CCDC102B: variants seen among roughly 807,000 people sequenced by gnomAD.
CCDC102B encodes coiled-coil domain-containing protein 102B.
In CCDC102B, 75 loss-of-function variants were observed where a neutral mutation model predicts 57.4. The observed-to-expected ratio is 1.31, with a 90% CI of 1.08 to 1.58. The LOEUF is 1.58. CCDC102B is among the 40% of genes most tolerant of loss of function. The pLI is 0.00. For missense variants in CCDC102B, 636 were observed against 582.6 expected (o/e 1.09, Z -0.94); for synonymous variants, 206 against 201.9 (o/e 1.02, Z -0.17).
In CCDC102B at chr18:69,001,977, T is replaced by C. The variant is rs374787191; in HGVS notation, c.1264-8957T>C. Among the ~76,000 whole-genome samples, 33 of 152,326 alleles carry C rather than the reference T, an allele frequency of 2.2e-4. No homozygotes were observed. The South Asian group carries it at 6.8e-3, about 32-fold the overall frequency. Reference sequence around the variant, plus strand: ...AGGCTCCATTCTCAGGCCCAAGACCTAATTATTAGAGTAATTTATTTAGTA... The same window carrying C: ...AGGCTCCATTCTCAGGCCCAAGACCCAATTATTAGAGTAATTTATTTAGTA... On this transcript the variant is annotated intron_variant, in intron 6 of 7. Coordinates refer to ENST00000360242, the MANE Select transcript of CCDC102B (RefSeq NM_024781.3).
At chr18:68,716,007 C>T (rs2145172575) in intron 1 of CCDC102B, among the ~76,000 whole-genome samples, 1 of 152,286 alleles carries the variant, frequency 6.6e-6, no homozygotes, top group East Asian at 1.9e-4. Context: ...GATTAAATTG[C>T]ACTCTAATTG....
chr18:68,735,261 G>A (rs886974436), intron 2 of CCDC102B, among the ~76,000 whole-genome samples: 5 of 151,542 alleles, frequency 3.3e-5, no homozygotes, highest in African/African-American at 1.2e-4. Context: ...GTTTCACCAT[G>A]TTGGCCAGGA....
intron 6 of CCDC102B, among the ~76,000 whole-genome samples, chr18:68,956,600 A>T (rs1246222962): frequency 2.4e-5 from 2 of 81,798 alleles, no homozygotes; most frequent in Admixed American, 4.0e-4. Flanking sequence ...TATATATATT[A>T]TATATATATA....
intron 7 of CCDC102B, among the ~76,000 whole-genome samples, chr18:69,011,893 C>T (rs1203316675): frequency 6.6e-6 from 1 of 151,968 alleles, no homozygotes; most frequent in Non-Finnish European, 1.5e-5. Flanking sequence ...ATTATTTTTC[C>T]ATGGAGTAAT....
At chr18:68,953,355 C>CTTTTTTTT (rs5825890) in intron 6 of CCDC102B, among the ~76,000 whole-genome samples, 1 of 125,536 alleles carries the variant, frequency 8.0e-6, no homozygotes, top group Admixed American at 8.2e-5. Flanking sequence ...CAATACTTGT[C>CTTTTTTTT]TTTTTTTTTT....
chr18:68,875,923 T>C (rs1215212558), intron 5 of CCDC102B, among the ~76,000 whole-genome samples: 2 of 152,066 alleles, frequency 1.3e-5, no homozygotes, highest in Non-Finnish European at 2.9e-5. Context: ...CTATAAGTCC[T>C]AAAAGGGGTG....
chr18:68,998,427 A>G (rs1479994741), intron 6 of CCDC102B, among the ~76,000 whole-genome samples: 2 of 40,318 alleles, frequency 5.0e-5, no homozygotes, highest in Admixed American at 6.7e-4. Context: ...GTATATATAT[A>G]ATATATTATA....
At chr18:68,991,053 C>T (rs1230902233) in intron 6 of CCDC102B, among the ~76,000 whole-genome samples, 1 of 149,418 alleles carries the variant, frequency 6.7e-6, no homozygotes, top group African/African-American at 2.5e-5. Flanking sequence ...TTTTTATGAA[C>T]ATTAATAGGG....
At chr18:68,969,193 A>G (rs768903554) in intron 6 of CCDC102B, among the ~76,000 whole-genome samples, 1 of 152,100 alleles carries the variant, frequency 6.6e-6, no homozygotes, top group Non-Finnish European at 1.5e-5. Context: ...ACCCAGCCCC[A>G]TCCAGGTTCC....
chr18:68,727,048 G>A (rs575017010), intron 2 of CCDC102B, among the ~76,000 whole-genome samples: 48 of 152,170 alleles, frequency 3.2e-4, no homozygotes, highest in African/African-American at 9.9e-4. Context: ...TGGAAAAATC[G>A]TTATCATCTA....
intron 2 of CCDC102B, among the ~76,000 whole-genome samples, chr18:68,723,432 T>C (rs1311870025): frequency 1.3e-5 from 2 of 152,190 alleles, no homozygotes; most frequent in African/African-American, 4.8e-5. Context: ...AAGTCTCATC[T>C]GAGACAAGGT....
At chr18:68,985,705 C>T (rs924893111) in intron 6 of CCDC102B, among the ~76,000 whole-genome samples, 66 of 152,148 alleles carry the variant, frequency 4.3e-4, no homozygotes, top group Admixed American at 2.6e-4. Flanking sequence ...GTAAGAGATG[C>T]ATCTCTAGAC....
intron 4 of CCDC102B, among the ~76,000 whole-genome samples, chr18:68,855,927 A>T (rs2038365304): frequency 6.6e-6 from 1 of 152,160 alleles, no homozygotes; most frequent in South Asian, 2.1e-4. Context: ...AAAAATTTTT[A>T]AATATTATTT....
At chr18:68,936,608 G>A (rs947545030) in intron 6 of CCDC102B, among the ~76,000 whole-genome samples, 3 of 151,764 alleles carry the variant, frequency 2.0e-5, no homozygotes, top group Non-Finnish European at 4.4e-5. Context: ...CTTCCTATAA[G>A]CATGGTTTCT....
In CCDC102B at chr18:69,054,505, C is replaced by A; in HGVS notation, c.*368C>A. The A allele has an allele frequency of 1.0e-6, 1 of 1,000,690 alleles. No homozygotes were observed. The highest frequency in any genetic ancestry group is 1.2e-6 in the Non-Finnish European group (1 of 840,238). 62.0% of individuals were successfully genotyped at this position (1,000,690 alleles called of 1,614,324 possible). A position where few individuals can be genotyped will look rare whatever the true frequency, so the allele number is the denominator to read the frequency against. ...GGGTCATTAATAAGAAAACCATTGA[C>A]TTTAAGTATAAAGTACTGGTTTGTT... On this transcript the variant is annotated 3_prime_UTR_variant, in exon 8 of 8. Coordinates refer to ENST00000360242, the MANE Select transcript of CCDC102B (RefSeq NM_024781.3).
In CCDC102B at chr18:68,897,701, T is replaced by C. The variant is rs112874502; in HGVS notation, c.1263+273T>C. 732 of 1,221,162 alleles carry C rather than the reference T, an allele frequency of 6.0e-4. 1 individual carries two copies. Among genetic ancestry groups the C allele is most frequent in the Admixed American group, 1.2e-3 (50 of 43,142 alleles). 75.6% of individuals were successfully genotyped at this position (1,221,162 alleles called of 1,614,324 possible). The stretch of plus-strand genomic sequence containing the variant: ...AAATGAAGTAAGAAATAGAACTTTC[T>C]GGTTTTTTGTTTCTTATTAAAGCTT... On this transcript the variant is annotated intron_variant, in intron 6 of 7. Transcript: ENST00000360242.
chr18:68,758,864 T>C (rs528464182), intron 2 of CCDC102B, among the ~76,000 whole-genome samples: 1 of 149,212 alleles, frequency 6.7e-6, no homozygotes, highest in African/African-American at 2.5e-5. Context: ...TAGTAAGAAA[T>C]GAGCAAAACA....
intron 6 of CCDC102B, among the ~76,000 whole-genome samples, chr18:69,005,326 T>G (rs891974647): frequency 6.6e-6 from 1 of 152,152 alleles, no homozygotes; most frequent in Non-Finnish European, 1.5e-5. Context: ...TAAATATAGT[T>G]GAACCATATG....
At chr18:68,927,586 A>C (rs111230350) in intron 6 of CCDC102B, among the ~76,000 whole-genome samples, 45 of 152,084 alleles carry the variant, frequency 3.0e-4, no homozygotes, top group African/African-American at 1.1e-3. Context: ...GATTGATTTA[A>C]ATTTCAACAA....
Sources: gnomAD v4.1 joint callset for allele counts (sites outside exome capture counted in the v4.1 genomes callset) on GRCh38, gnomAD v4.1.1 for gene constraint, MANE v1.5 for transcripts, NCBI Gene and HGNC (gene_info 2026-07-23, HGNC 2026-07-21) for gene names.